The following NAALADL2 variants were observed in gnomAD, a reference collection of about 807,000 sequenced individuals.
The protein encoded by NAALADL2 is inactive N-acetylated-alpha-linked acidic dipeptidase-like protein 2.
In NAALADL2, 76 loss-of-function variants were observed where a neutral mutation model predicts 87.2. That is an observed-to-expected ratio of 0.87 (90% confidence interval 0.72 to 1.05). NAALADL2 has a LOEUF of 1.05. Ranked by LOEUF, NAALADL2 falls within the 50% of genes least tolerant of loss-of-function variation. NAALADL2 has a pLI of 0.00. For synonymous variants in NAALADL2, 354 were observed against 331.0 expected, an observed-to-expected ratio of 1.07 and a Z score of -0.75; for missense variants, 1,089 against 945.8, an observed-to-expected ratio of 1.15 and a Z score of -1.99.
At chr3:175,640,858 T>G (rs529382635) in intron 11 of NAALADL2, among the ~76,000 whole-genome samples, 1 of 152,228 alleles carries the variant, frequency 6.6e-6, no homozygotes, top group African/African-American at 2.4e-5. Context: ...AAAATTACAA[T>G]ATGGTTTAAT....
intron 5 of NAALADL2, among the ~76,000 whole-genome samples, chr3:175,400,351 C>T (rs1307519985): frequency 6.6e-6 from 1 of 152,066 alleles, no homozygotes; most frequent in Non-Finnish European, 1.5e-5. Context: ...TTTTATGTTG[C>T]AGAAACTCCT....
At chr3:174,776,022 C>T (rs538698737) in intron 3 of NAALADL2, among the ~76,000 whole-genome samples, 1 of 152,170 alleles carries the variant, frequency 6.6e-6, no homozygotes, top group African/African-American at 2.4e-5. Context: ...GTCTTCTTTC[C>T]CACAGCAGTT....
intron 3 of NAALADL2, among the ~76,000 whole-genome samples, chr3:174,763,413 C>A (rs1713309582): frequency 6.6e-6 from 1 of 151,196 alleles, no homozygotes; most frequent in Non-Finnish European, 1.5e-5. Flanking sequence ...ATGGTGAAAC[C>A]CTGTCTCTAC....
At chr3:174,693,372 G>A (rs1728755067) in intron 2 of NAALADL2, among the ~76,000 whole-genome samples, 1 of 152,080 alleles carries the variant, frequency 6.6e-6, no homozygotes, top group African/African-American at 2.4e-5. Context: ...AATTTATCTG[G>A]AAGCATCATG....
chr3:174,955,891 A>G (rs1384351049), intron 1 of NAALADL2, among the ~76,000 whole-genome samples: 2 of 152,056 alleles, frequency 1.3e-5, no homozygotes, highest in African/African-American at 4.8e-5. Flanking sequence ...CACTAGTGAT[A>G]CTGTTTAAGA....
intron 6 of NAALADL2, among the ~76,000 whole-genome samples, chr3:175,459,218 T>A (rs1370500872): frequency 6.6e-6 from 1 of 151,958 alleles, no homozygotes; most frequent in Admixed American, 6.6e-5. Context: ...AAAAAGAGAA[T>A]AAAATATGTT....
At chr3:175,134,545 C>T (rs1482731520) in intron 2 of NAALADL2, among the ~76,000 whole-genome samples, 1 of 151,954 alleles carries the variant, frequency 6.6e-6, no homozygotes, top group Non-Finnish European at 1.5e-5. Context: ...CTCAAATAAC[C>T]CTTACACCTA....
At chr3:174,689,246 C>A (rs1249078798) in intron 2 of NAALADL2, among the ~76,000 whole-genome samples, 1 of 151,998 alleles carries the variant, frequency 6.6e-6, no homozygotes, top group East Asian at 1.9e-4. Flanking sequence ...ATGCTCAAAG[C>A]CTAGATATTT....
intron 13 of NAALADL2, among the ~76,000 whole-genome samples, chr3:175,756,294 C>A (rs1747251788): frequency 6.6e-6 from 1 of 152,054 alleles, no homozygotes; most frequent in Admixed American, 6.6e-5. Context: ...AATAGAATTA[C>A]CTTTCAACCC....
At chr3:175,525,408 C>T (rs1395621308) in intron 9 of NAALADL2, among the ~76,000 whole-genome samples, 2 of 152,110 alleles carry the variant, frequency 1.3e-5, no homozygotes, top group African/African-American at 2.4e-5. Context: ...CTTATCCATT[C>T]TCTGAGTCTA....
chr3:175,003,176 G>A (rs921946542), intron 1 of NAALADL2, among the ~76,000 whole-genome samples: 8 of 152,098 alleles, frequency 5.3e-5, no homozygotes, highest in African/African-American at 1.4e-4. Context: ...TCCTCCAAAT[G>A]TGACTTCATT....
At chr3:175,761,626 A>G (rs188126740) in intron 13 of NAALADL2, among the ~76,000 whole-genome samples, 256 of 152,306 alleles carry the variant, frequency 1.7e-3, no homozygotes, top group African/African-American at 5.8e-3. Context: ...CCAGTAGTCA[A>G]TGAAACTTTC....
At chr3:175,324,861 G>A (rs767427870) in intron 5 of NAALADL2, among the ~76,000 whole-genome samples, 87 of 152,172 alleles carry the variant, frequency 5.7e-4, no homozygotes, top group Admixed American at 2.2e-3. Flanking sequence ...GTATAGAGAT[G>A]GCTACTTTGC....
chr3:175,414,829 G>T (rs149473529), intron 5 of NAALADL2, among the ~76,000 whole-genome samples: 67 of 152,154 alleles, frequency 4.4e-4, no homozygotes, highest in African/African-American at 1.5e-3. Flanking sequence ...ATTATGTGAG[G>T]TTATGCAGGA....
At chr3:174,685,725 A>C (rs1312855786) in intron 2 of NAALADL2, among the ~76,000 whole-genome samples, 1 of 152,036 alleles carries the variant, frequency 6.6e-6, no homozygotes, top group African/African-American at 2.4e-5. Context: ...TACATAGGTA[A>C]ACTTGTGTCA....
At chr3:175,219,589 A>G (rs1446869473) in intron 2 of NAALADL2, among the ~76,000 whole-genome samples, 1 of 152,168 alleles carries the variant, frequency 6.6e-6, no homozygotes. Context: ...TTGTCTAACC[A>G]AGATAGTAAA....
At chr3:175,275,466 T>C (rs1160181407) in intron 4 of NAALADL2, among the ~76,000 whole-genome samples, 1 of 123,440 alleles carries the variant, frequency 8.1e-6, no homozygotes, top group Non-Finnish European at 1.8e-5. Flanking sequence ...CCATTTTATG[T>C]AGTTGGGCGG....
chr3:174,739,813 A>T (rs1733592354), intron 3 of NAALADL2, among the ~76,000 whole-genome samples: 1 of 152,084 alleles, frequency 6.6e-6, no homozygotes, highest in African/African-American at 2.4e-5. Flanking sequence ...AAGTGGTTAC[A>T]TCTATTTCTT....
chr3:175,644,863 GCATCAAA>G (rs1250083025), intron 11 of NAALADL2, among the ~76,000 whole-genome samples: 1 of 152,050 alleles, frequency 6.6e-6, no homozygotes, highest in African/African-American at 2.4e-5. Context: ...CACATTACTA[GCATCAAA>G]TGAAGTGATT....
Sources: allele counts gnomAD v4.1 joint callset (sites outside exome capture counted in the v4.1 genomes callset), GRCh38; gene constraint gnomAD v4.1.1; transcripts MANE v1.5; gene names NCBI Gene and HGNC (gene_info 2026-07-23, HGNC 2026-07-21).